The following SCN2A variants were observed in gnomAD, a reference collection of about 807,000 sequenced individuals.
SCN2A encodes the protein sodium voltage-gated channel alpha subunit 2.
In SCN2A, 20 loss-of-function variants were observed where a neutral mutation model predicts 188.7. The observed-to-expected ratio is 0.11, with a 90% confidence interval of 0.07 to 0.15. SCN2A has a LOEUF of 0.15. Ranked by LOEUF, SCN2A falls within the 10% of genes least tolerant of loss-of-function variation. The pLI, the probability that SCN2A is intolerant of heterozygous loss-of-function variation, is 1.00. For synonymous variants in SCN2A, 804 were observed against 833.1 expected, an observed-to-expected ratio of 0.97 and a Z score of 0.60; for missense variants, 1,278 against 2,445.0, an observed-to-expected ratio of 0.52 and a Z score of 10.07.
intron 16 of SCN2A, among the ~76,000 whole-genome samples, chr2:165,352,535 A>G (rs181681018): frequency 6.6e-6 from 1 of 152,170 alleles, no homozygotes; most frequent in Non-Finnish European, 1.5e-5. Flanking sequence ...CTACTTTTGT[A>G]CTACAGTTTG....
chr2:165,355,998 C>T (rs78978802), intron 17 of SCN2A, among the ~76,000 whole-genome samples: 1 of 116,628 alleles, frequency 8.6e-6, no homozygotes. Flanking sequence ...AACTCTGTCT[C>T]AAAAAAAAAA....
At chr2:165,250,487 T>C (rs1264911233) in intron 1 of SCN2A, among the ~76,000 whole-genome samples, 1 of 73,152 alleles carries the variant, frequency 1.4e-5, no homozygotes, top group African/African-American at 4.3e-5. Context: ...TCTTGCTCTA[T>C]TTCACACACA....
intron 14 of SCN2A, among the ~76,000 whole-genome samples, chr2:165,339,169 C>T (rs929716609): frequency 1.3e-5 from 2 of 151,026 alleles, no homozygotes; most frequent in Non-Finnish European, 2.9e-5. Context: ...TGCAGTGAGC[C>T]GAGATTAAGC....
At chr2:165,351,970 G>A (rs2105333014) in intron 16 of SCN2A, among the ~76,000 whole-genome samples, 1 of 151,170 alleles carries the variant, frequency 6.6e-6, no homozygotes, top group African/African-American at 2.4e-5. Context: ...CTATATAAAT[G>A]TCACAGTAAA....
chr2:165,377,650 T>A lies in SCN2A; in HGVS notation c.4308T>A (p.Asn1436Lys). Residue 1436 changes from asparagine (N) to lysine (K), a missense_variant and splice_region_variant, in exon 23 of 27, where the codon AAT (asparagine) becomes AAA (lysine). By Grantham distance (94) the Asn-to-Lys change is moderately conservative. This residue lies in a region of SCN2A where 97 missense variants were observed against 266.1 expected (regional missense o/e 0.36). Transcript: ENST00000375437. ...DIMYAAVDSR[N>K]VELQPKYEDN... The stretch of plus-strand genomic sequence containing the variant: ...TGTATGCAGCTGTTGATTCACGAAA[T>A]GTAAGTCTAGTTAGAGGGAAATTGT... 5 of 1,604,796 alleles carry A rather than the reference T, an allele frequency of 3.1e-6. No individual in the cohort carries two copies. The highest frequency in any genetic ancestry group is 4.3e-6 in the Non-Finnish European group (5 of 1,174,080).
chr2:165,377,382 T>C (rs555442219), intron 22 of SCN2A, among the ~76,000 whole-genome samples: 1 of 152,096 alleles, frequency 6.6e-6, no homozygotes, highest in Non-Finnish European at 1.5e-5. Context: ...TAATTATATA[T>C]GCTAAATATC....
chr2:165,274,735 G>A (rs1413466963), intron 1 of SCN2A, among the ~76,000 whole-genome samples: 7 of 152,250 alleles, frequency 4.6e-5, no homozygotes, highest in East Asian at 1.9e-4. Flanking sequence ...CTTCTCTGAC[G>A]TCTAGCTGTT....
At chr2:165,364,321 A>G (rs147045845) in intron 17 of SCN2A, among the ~76,000 whole-genome samples, 17 of 152,268 alleles carry the variant, frequency 1.1e-4, no homozygotes, top group African/African-American at 3.8e-4. Flanking sequence ...GGATCCCTTC[A>G]TGTATGCTGA....
At chr2:165,299,021 A>G (rs538361996) in intron 3 of SCN2A, among the ~76,000 whole-genome samples, 20 of 152,244 alleles carry the variant, frequency 1.3e-4, no homozygotes, top group African/African-American at 4.8e-4. Context: ...AAAACCCAAT[A>G]TATTTGTTTT....
rs79126607 is a variant in SCN2A, at chr2:165,253,186, C to A, written c.-52+13546C>A. Among the ~76,000 whole-genome samples, 116 of 152,200 alleles carry A rather than the reference C, an allele frequency of 7.6e-4. 2 individuals carry two copies. In the East Asian group the frequency reaches 0.021, roughly 28 times the overall value. ...TAAACTGGAACAGAAGATGATTTCA[C>A]TGGTTTATTAAACTCCTCAGGATCT... On this transcript the variant is annotated intron_variant, in intron 1 of 26. Coordinates refer to ENST00000375437, the MANE Select transcript of SCN2A (RefSeq NM_001040142.2).
At chr2:165,351,583 AAAG>A (rs1167144786) in intron 16 of SCN2A, among the ~76,000 whole-genome samples, 10 of 152,006 alleles carry the variant, frequency 6.6e-5, no homozygotes, top group Admixed American at 2.0e-4. Flanking sequence ...CAAAAAAAAA[AAAG>A]CTTCTCTACT....
intron 7 of SCN2A, 72 bp from the exon 8 acceptor site, chr2:165,311,953 C>A: frequency 1.0e-6 from 1 of 986,922 alleles, no homozygotes. Flanking sequence ...GTGAGCTTTG[C>A]CACCTAAACA....
chr2:165,365,334 T>C, intron 18 of SCN2A, 71 bp downstream of exon 18: 6 of 1,561,530 alleles, frequency 3.8e-6, no homozygotes, highest in Non-Finnish European at 5.3e-6. Flanking sequence ...TTTATTTAAA[T>C]GTCTGTTTAT....
intron 3 of SCN2A, among the ~76,000 whole-genome samples, chr2:165,297,569 G>A (rs1696575622): frequency 6.6e-6 from 1 of 152,176 alleles, no homozygotes; most frequent in African/African-American, 2.4e-5. Flanking sequence ...TTTTTGGTCT[G>A]AATTTTATGA....
chr2:165,256,000 C>CTTTTTTTTTTTTTT lies in SCN2A; in HGVS notation c.-52+16367_-52+16380dup, dbSNP rs765804959. ...AAATGTTTTCATTTGGGGCTCTTTT[C>CTTTTTTTTTTTTTT]TTTTTTTTTTTTTTTTTTTTGGTGA... On this transcript the variant is annotated intron_variant, in intron 1 of 26. Transcript: ENST00000375437. Among the ~76,000 whole-genome samples, 62 of 88,478 alleles carry CTTTTTTTTTTTTTT rather than the reference C, an allele frequency of 7.0e-4. 1 individual carries two copies. The highest frequency in any genetic ancestry group is 3.0e-3 in the African/African-American group (61 of 20,566). 58.0% of individuals were successfully genotyped at this position (88,478 alleles called of 152,430 possible).
chr2:165,285,698 C>T (rs569482062), intron 1 of SCN2A: 16 of 228,464 alleles, frequency 7.0e-5, no homozygotes, highest in East Asian at 5.5e-4. Context: ...AGTAACCTCT[C>T]AGCTCTAGCA....
intron 1 of SCN2A, among the ~76,000 whole-genome samples, chr2:165,278,112 G>T (rs1043153080): frequency 6.6e-6 from 1 of 152,192 alleles, no homozygotes; most frequent in African/African-American, 2.4e-5. Context: ...GGTTGAATTG[G>T]TGTCATGAAC....
chr2:165,374,327 G>A (rs1433958619), intron 21 of SCN2A, among the ~76,000 whole-genome samples: 38 of 152,054 alleles, frequency 2.5e-4, no homozygotes, highest in Admixed American at 2.5e-3. Context: ...ATTTTGGACA[G>A]CAAATTGTAT....
At chr2:165,305,584 G>A (rs1418557795) in intron 3 of SCN2A, among the ~76,000 whole-genome samples, 1 of 149,144 alleles carries the variant, frequency 6.7e-6, no homozygotes, top group Non-Finnish European at 1.5e-5. Context: ...GAAGAAGCCA[G>A]GGAATTGGAA....
Sources: allele counts gnomAD v4.1 joint callset (sites outside exome capture counted in the v4.1 genomes callset), GRCh38; gene constraint gnomAD v4.1.1; regional missense constraint gnomAD v4.1.1; transcripts MANE v1.5; gene names NCBI Gene and HGNC (gene_info 2026-07-23, HGNC 2026-07-21).